PPP2R2A: variants seen among roughly 807,000 people sequenced by gnomAD.
PPP2R2A encodes serine/threonine-protein phosphatase 2A 55 kDa regulatory subunit B alpha isoform.
A neutral mutation model predicts 53.2 loss-of-function variants in PPP2R2A; 9 were observed. The observed-to-expected ratio is 0.17, with a 90% CI of 0.10 to 0.30. The LOEUF (loss-of-function observed/expected upper bound fraction) is 0.30. PPP2R2A is among the 10% of genes least tolerant of loss of function. PPP2R2A has a pLI of 1.00. For missense variants in PPP2R2A, 235 were observed against 534.6 expected, an observed-to-expected ratio of 0.44 and a Z score of 5.53; for synonymous variants, 169 against 174.2, an observed-to-expected ratio of 0.97 and a Z score of 0.23.
At chr8:26,364,843 A>G (rs1278158904) in intron 8 of PPP2R2A, among the ~76,000 whole-genome samples, 1 of 152,192 alleles carries the variant, frequency 6.6e-6, no homozygotes, top group African/African-American at 2.4e-5. Context: ...TGAAAATACA[A>G]TATTTGAGGG....
chr8:26,358,938 G>A (rs1804932896), intron 4 of PPP2R2A: 1 of 455,882 alleles, frequency 2.2e-6, no homozygotes, highest in Admixed American at 2.3e-5. Flanking sequence ...CACTTCCAAA[G>A]AACAGAATAT....
chr8:26,368,940 A>G (rs1805526921), intron 9 of PPP2R2A, among the ~76,000 whole-genome samples: 1 of 151,942 alleles, frequency 6.6e-6, no homozygotes, highest in Non-Finnish European at 1.5e-5. Flanking sequence ...CCCTGTCTCT[A>G]CTGAAAATAC....
intron 3 of PPP2R2A, among the ~76,000 whole-genome samples, chr8:26,350,411 G>A (rs141208511): frequency 2.0e-5 from 3 of 152,178 alleles, no homozygotes; most frequent in African/African-American, 7.2e-5. Context: ...TTGTTGTGTT[G>A]TTTTGAGACA....
In PPP2R2A at chr8:26,319,618, C is replaced by G. The variant is rs116336331; in HGVS notation, c.83-19272C>G. Among the ~76,000 whole-genome samples, 1,223 of 152,070 alleles carry G rather than the reference C, an allele frequency of 8.0e-3. 8 individuals carry two copies. The highest frequency in any genetic ancestry group is 0.028 in the African/African-American group (1,154 of 41,490). On this transcript the variant is annotated intron_variant, in intron 2 of 9. Coordinates refer to ENST00000380737, the MANE Select transcript of PPP2R2A (RefSeq NM_002717.4). ...ACTCTCATGTTTTGAAAAGACTGTA[C>G]TTTTCCCCATTCGTTGGTCTTGGCA... is the stretch of plus-strand genomic sequence containing the variant.
At chr8:26,330,673 G>A (rs376767850) in intron 2 of PPP2R2A, among the ~76,000 whole-genome samples, 2 of 152,046 alleles carry the variant, frequency 1.3e-5, no homozygotes, top group African/African-American at 4.8e-5. Context: ...TTTTTGGTCC[G>A]TGTCTGCTAG....
intron 3 of PPP2R2A, among the ~76,000 whole-genome samples, chr8:26,350,401 T>C (rs1240729578): frequency 6.6e-6 from 1 of 151,950 alleles, no homozygotes. Flanking sequence ...GATTGAGTAG[T>C]TGTTGTGTTG....
intron 2 of PPP2R2A, among the ~76,000 whole-genome samples, chr8:26,311,531 C>T (rs1253661437): frequency 4.6e-5 from 7 of 152,022 alleles, no homozygotes; most frequent in African/African-American, 9.7e-5. Context: ...GAGCCGGGCA[C>T]GGTGGTGCAA....
At chr8:26,312,336 A>T (rs1336305571) in intron 2 of PPP2R2A, among the ~76,000 whole-genome samples, 2 of 152,200 alleles carry the variant, frequency 1.3e-5, no homozygotes, top group African/African-American at 4.8e-5. Flanking sequence ...ACAGATGATG[A>T]TGGTGCATTT....
chr8:26,342,347 G>T (rs978914868), intron 3 of PPP2R2A, among the ~76,000 whole-genome samples: 1 of 152,162 alleles, frequency 6.6e-6, no homozygotes, highest in Non-Finnish European at 1.5e-5. Flanking sequence ...AAATGATAGG[G>T]TATATTCTTT....
Position 26,338,546 on chromosome 8 carries a change from T to A in PPP2R2A, c.83-344T>A, listed in dbSNP as rs1428873735. 2.6e-5 allele frequency among the ~76,000 whole-genome samples: 4 copies of A among 152,246 alleles called. No homozygotes were observed. Among genetic ancestry groups the A allele is most frequent in the Non-Finnish European group, 5.9e-5 (4 of 68,044 alleles). ...TGCATAAACAAGCTTATCAAATGTA[T>A]ATAAGAAAATTAGCAAGATAATGTT... On this transcript the variant is annotated intron_variant, in intron 2 of 9. Transcript: ENST00000380737. The surrounding 1 kb of genome is among the most constrained non-coding windows in gnomAD (Gnocchi z 4.5).
intron 2 of PPP2R2A, among the ~76,000 whole-genome samples, chr8:26,315,738 A>G (rs886965073): frequency 2.0e-5 from 3 of 152,130 alleles, no homozygotes; most frequent in Non-Finnish European, 2.9e-5. Flanking sequence ...TTTTCAGCAC[A>G]TTGGTTGTTA....
At chr8:26,355,757 G>A (rs1225522917) in intron 4 of PPP2R2A, among the ~76,000 whole-genome samples, 1 of 151,896 alleles carries the variant, frequency 6.6e-6, no homozygotes, top group African/African-American at 2.4e-5. Flanking sequence ...TCCAGCTACT[G>A]GGGCGGGGGT....
chr8:26,292,450 A>G (rs1440134955), intron 1 of PPP2R2A: 2 of 983,852 alleles, frequency 2.0e-6, no homozygotes, highest in African/African-American at 1.7e-5. Context: ...ATGTACAGCA[A>G]GTTGCATGAA....
At chr8:26,303,901 G>A (rs963183506) in intron 2 of PPP2R2A, among the ~76,000 whole-genome samples, 2 of 152,174 alleles carry the variant, frequency 1.3e-5, no homozygotes, top group Admixed American at 6.5e-5. Flanking sequence ...CCACATTGCC[G>A]GGAGTTACGC....
intron 3 of PPP2R2A, among the ~76,000 whole-genome samples, chr8:26,342,000 A>G (rs910700549): frequency 9.9e-5 from 15 of 152,208 alleles, no homozygotes; most frequent in African/African-American, 3.4e-4. Context: ...CAATCGTAAT[A>G]TAAAGAAACT....
Position 26,338,213 on chromosome 8 carries a change from C to A in PPP2R2A, c.83-677C>A, listed in dbSNP as rs989702517. 2.0e-5 allele frequency among the ~76,000 whole-genome samples: 3 copies of A among 151,962 alleles called. No homozygotes were observed. Among genetic ancestry groups the A allele is most frequent in the Admixed American group, 6.5e-5 (1 of 15,268 alleles). On this transcript the variant is annotated intron_variant, in intron 2 of 9. Coordinates refer to ENST00000380737, the MANE Select transcript of PPP2R2A (RefSeq NM_002717.4). This position sits in a 1 kb window ranked among gnomAD's most constrained non-coding sequence, Gnocchi z 4.5. ...AGGAAAAGGGCTCTAGTGTGAAAAA[C>A]CAAGAAAAAAAACTTGACAGTTTTC...
chr8:26,302,422 C>G, intron 2 of PPP2R2A, among the ~76,000 whole-genome samples: 1 of 152,292 alleles, frequency 6.6e-6, no homozygotes, highest in Middle Eastern at 3.4e-3. Flanking sequence ...TTTGGAAGAT[C>G]TGTATAACTC....
intron 2 of PPP2R2A, among the ~76,000 whole-genome samples, chr8:26,330,986 C>A (rs1290466778): frequency 6.6e-6 from 1 of 152,132 alleles, no homozygotes; most frequent in African/African-American, 2.4e-5. Context: ...ACTCTACCTG[C>A]TGGTGGGGAT....
At chr8:26,317,780 G>T (rs189969591) in intron 2 of PPP2R2A, among the ~76,000 whole-genome samples, 1 of 152,130 alleles carries the variant, frequency 6.6e-6, no homozygotes, top group African/African-American at 2.4e-5. Context: ...TCTCTCTCAC[G>T]TGACCATTGG....
Sources: gnomAD v4.1 joint callset for allele counts (sites outside exome capture counted in the v4.1 genomes callset) on GRCh38, gnomAD v4.1.1 for gene constraint, Gnocchi (gnomAD v3.1) non-coding constraint, MANE v1.5 for transcripts, NCBI Gene and HGNC (gene_info 2026-07-23, HGNC 2026-07-21) for gene names.